Variants in LRP4 observed in about 807,000 individuals in gnomAD.
LRP4 encodes LDL receptor related protein 4.
In LRP4, 95 loss-of-function variants were observed where a neutral mutation model predicts 220.3. The observed-to-expected ratio is 0.43, with a 90% CI of 0.37 to 0.51. The LOEUF (loss-of-function observed/expected upper bound fraction) is 0.51, where lower values mean the gene tolerates loss of function less well. Among genes scored for constraint, LRP4 ranks in the 20% least tolerant of loss-of-function variants. The pLI is 0.00. For synonymous variants in LRP4, 903 were observed against 954.6 expected (o/e 0.95, Z 1.00); for missense variants, 1,925 against 2,567.0 (o/e 0.75, Z 5.40).
rs769832658 is a variant in LRP4, at chr11:46,876,499, C to G, written c.3503G>C (p.Ser1168Thr). The G allele has an allele frequency of 1.2e-6, 2 of 1,614,214 alleles. No homozygotes were observed. Among genetic ancestry groups the G allele is most frequent in the Non-Finnish European group, 1.7e-6 (2 of 1,180,040 alleles). ...ATGGTACAGTACGATGGCCCGGGGA[C>G]TGTCAAGGTTCTGCCACACCAACAC... ...RKVLVWQNLDSPRAIVLYHEM... is the reference protein window; with the variant it reads ...RKVLVWQNLDTPRAIVLYHEM... Residue 1168 changes from serine to threonine, a missense_variant, in exon 25 of 38, where the codon AGT (serine) becomes ACT (threonine). Physicochemically the swap from Ser to Thr is moderately conservative, Grantham distance 58. Around this residue, in one of 3 missense-constraint regions of LRP4, gnomAD observed 1,244 missense variants for 1,624.9 expected, o/e 0.77. Transcript: ENST00000378623.
chr11:46,918,313 G>A lies in LRP4; in HGVS notation c.52+15C>T. ...CCGGACCCAGGGACAAACTTTCCCG[G>A]CGGGCGCCGCTTACCGTGTGCGCAG... On this transcript the variant is annotated intron_variant, in intron 1 of 37. Transcript: ENST00000378623. The surrounding 1 kb of genome is among the most constrained non-coding windows in gnomAD (Gnocchi z 6.0). 1 of 1,509,946 alleles carries A rather than the reference G, an allele frequency of 6.6e-7. No homozygotes were observed. The highest frequency in any genetic ancestry group is 2.6e-5 in the East Asian group (1 of 38,180). 93.5% of individuals were successfully genotyped at this position (1,509,946 alleles called of 1,614,324 possible). A position where few individuals can be genotyped will look rare whatever the true frequency, so the allele number is the denominator to read the frequency against.
At position 46,902,944 on chromosome 11, in the gene LRP4, A is replaced by T; in HGVS notation, c.53-15T>A. 1.2e-6 allele frequency: 2 copies of T among 1,613,904 alleles called. No individual in the cohort carries two copies. Among genetic ancestry groups the T allele is most frequent in the Non-Finnish European group, 1.7e-6 (2 of 1,180,020 alleles). ...GCTGGCCAGGCCTGGGCGGAGGGAA[A>T]AGGAATCAGTGAGGGCTCAGCTCCC... is the stretch of plus-strand genomic sequence containing the variant. On this transcript the variant is annotated splice_polypyrimidine_tract_variant and intron_variant, in intron 1 of 37. Transcript: ENST00000378623.
At chr11:46,889,367 C>T in intron 16 of LRP4, 44 bp downstream of exon 16, 1 of 1,611,818 alleles carries the variant, frequency 6.2e-7, no homozygotes, top group Non-Finnish European at 8.5e-7. Flanking sequence ...TCTCCCCATC[C>T]TCACAACAGC....
intron 31 of LRP4, among the ~76,000 whole-genome samples, chr11:46,871,198 GC>G (rs1940850849): frequency 1.3e-5 from 2 of 152,290 alleles, no homozygotes; most frequent in Admixed American, 6.5e-5. Flanking sequence ...ATTTTACTGT[GC>G]CCAGCCCTCA....
chr11:46,865,892 G>A (rs958514828), intron 34 of LRP4, among the ~76,000 whole-genome samples: 1 of 152,216 alleles, frequency 6.6e-6, no homozygotes, highest in African/African-American at 2.4e-5. Flanking sequence ...TTAAAAGTTA[G>A]TGAGAAAGGC....
Position 46,859,273 on chromosome 11 carries a change from C to T in LRP4, c.5428G>A (p.Val1810Ile), listed in dbSNP as rs779299308. ...CCAGACAGGAGGCAGATTCCCTCTACGATCTTGATCTTCTCCTTGGTGTAG... is the reference window on the plus strand; with the variant it reads ...CCAGACAGGAGGCAGATTCCCTCTATGATCTTGATCTTCTCCTTGGTGTAG... ...HNYTKEKIKIVEGICLLSGDD... is the reference protein window; with the variant it reads ...HNYTKEKIKIIEGICLLSGDD... Residue 1810 changes from valine to isoleucine, a missense_variant, in exon 38 of 38, where the codon GTA becomes ATA. Val to Ile is a conservative substitution (Grantham distance 29). Around this residue, in one of 3 missense-constraint regions of LRP4, gnomAD observed 1,244 missense variants for 1,624.9 expected, o/e 0.77. Transcript: ENST00000378623. 1.8e-5 allele frequency: 29 copies of T among 1,614,002 alleles called. No homozygotes were observed. The highest frequency in any genetic ancestry group is 5.5e-5 in the South Asian group (5 of 91,086).
chr11:46,858,918 G>T lies in LRP4; in HGVS notation c.*65C>A. On this transcript the variant is annotated 3_prime_UTR_variant, in exon 38 of 38. Coordinates refer to ENST00000378623, the MANE Select transcript of LRP4 (RefSeq NM_002334.4). ...CAGAAGCGGGGCCTGCGGTGTAAGCGAGCACAAGGACTAGACGTCCATAAA... is the reference window on the plus strand; with the variant it reads ...CAGAAGCGGGGCCTGCGGTGTAAGCTAGCACAAGGACTAGACGTCCATAAA... The T allele has an allele frequency of 6.7e-7, 1 of 1,482,706 alleles. No individual in the cohort carries two copies. Among genetic ancestry groups the T allele is most frequent in the South Asian group, 1.1e-5 (1 of 88,066 alleles). The allele number at this position is 1,482,706 out of a possible 1,614,324, so 91.8% of individuals were successfully genotyped here.
At chr11:46,897,868 C>A (rs1348720344) in intron 7 of LRP4, among the ~76,000 whole-genome samples, 1 of 152,236 alleles carries the variant, frequency 6.6e-6, no homozygotes, top group Admixed American at 6.5e-5. Context: ...CATCATGGCC[C>A]GTTCTCAATG....
In LRP4 at chr11:46,902,923, G is replaced by C. The variant is rs542378473; in HGVS notation, c.59C>G (p.Ala20Gly). 2.2e-5 allele frequency: 35 copies of C among 1,614,062 alleles called. No individual in the cohort carries two copies. Among genetic ancestry groups the C allele is most frequent in the Non-Finnish European group, 3.0e-5 (35 of 1,180,038 alleles). The stretch of plus-strand genomic sequence containing the variant: ...ACCACAAGCACACTCGGGGCTGCTG[G>C]CCAGGCCTGGGCGGAGGGAAAAGGA... ...LGALLCAHGLASSPECACGRS... is the reference protein window; with the variant it reads ...LGALLCAHGLGSSPECACGRS... Residue 20 changes from alanine (A) to glycine (G), a missense_variant, in exon 2 of 38, where the codon GCC (alanine) becomes GGC (glycine). Transcript: ENST00000378623.
At chr11:46,867,041 T>C (rs1017531419) in intron 34 of LRP4, among the ~76,000 whole-genome samples, 2 of 152,236 alleles carry the variant, frequency 1.3e-5, no homozygotes, top group African/African-American at 4.8e-5. Context: ...TAAACAGGCA[T>C]GTGACTTACA....
intron 18 of LRP4, among the ~76,000 whole-genome samples, 176 bp downstream of exon 18, chr11:46,885,915 C>T (rs1001133859): frequency 1.3e-5 from 2 of 152,306 alleles, no homozygotes; most frequent in South Asian, 2.1e-4. Flanking sequence ...GAGCTTCTCA[C>T]GTGGGAGCTT....
chr11:46,888,962 A>G (rs1941360711), intron 16 of LRP4, among the ~76,000 whole-genome samples: 1 of 152,222 alleles, frequency 6.6e-6, no homozygotes, highest in Non-Finnish European at 1.5e-5. Flanking sequence ...CCACTTGTTT[A>G]ACACATATTT....
Position 46,890,722 on chromosome 11 carries a change from C to T in LRP4, c.1698-228G>A, listed in dbSNP as rs970926650. Among the ~76,000 whole-genome samples, 2 of 151,942 alleles carry T rather than the reference C, an allele frequency of 1.3e-5. No homozygotes were observed. Among genetic ancestry groups the T allele is most frequent in the Non-Finnish European group, 1.5e-5 (1 of 67,982 alleles). On this transcript the variant is annotated intron_variant, in intron 13 of 37. Coordinates refer to ENST00000378623, the MANE Select transcript of LRP4 (RefSeq NM_002334.4). This position sits in a 1 kb window ranked among gnomAD's most constrained non-coding sequence, Gnocchi z 5.3. Reference sequence around the variant, plus strand: ...TCTCCTGGGCTCAGAAGGCCTCCCACTTCAGCCTTCTGAGCAGCTAGTATC... The same window carrying T: ...TCTCCTGGGCTCAGAAGGCCTCCCATTTCAGCCTTCTGAGCAGCTAGTATC...
chr11:46,897,111 G>A, intron 7 of LRP4, 117 bp from the exon 8 acceptor site: 1 of 1,326,230 alleles, frequency 7.5e-7, no homozygotes, highest in Non-Finnish European at 1.1e-6. Context: ...CGGGATCACA[G>A]CTGGTCTATA....
At position 46,917,147 on chromosome 11, in the gene LRP4, C is replaced by G. The variant is rs138547569; in HGVS notation, c.52+1181G>C. Among the ~76,000 whole-genome samples, 7 of 152,314 alleles carry G rather than the reference C, an allele frequency of 4.6e-5. No individual in the cohort carries two copies. In the East Asian group the frequency reaches 1.2e-3, roughly 25 times the overall value. ...AACGAGTGCCTAGACATCTCCACGC[C>G]CTGCCAGGCAAGTTCGGAAATCTGC... On this transcript the variant is annotated intron_variant, in intron 1 of 37. Transcript: ENST00000378623.
rs1383766251 is a variant in LRP4 at position 46,899,542 on chromosome 11, C to T, written c.431-39G>A. 1 of 1,363,282 alleles carries T rather than the reference C, an allele frequency of 7.3e-7. No homozygotes were observed. Among genetic ancestry groups the T allele is most frequent in the Non-Finnish European group, 1.0e-6 (1 of 956,878 alleles). 84.4% of individuals were successfully genotyped at this position (1,363,282 alleles called of 1,614,324 possible). ...ATGGGACAGCAGTTCTGAGGGGGCC[C>T]CACAGGCAACCCTCTCACCCTCCTC... On this transcript the variant is annotated intron_variant, in intron 4 of 37. Coordinates refer to ENST00000378623, the MANE Select transcript of LRP4 (RefSeq NM_002334.4). The surrounding 1 kb of genome is among the most constrained non-coding windows in gnomAD (Gnocchi z 5.9).
intron 1 of LRP4, among the ~76,000 whole-genome samples, chr11:46,910,526 T>C (rs967875524): frequency 2.6e-5 from 4 of 152,202 alleles, no homozygotes; most frequent in African/African-American, 9.6e-5. Flanking sequence ...AGACCTGCTA[T>C]TTTAGGACTT....
chr11:46,896,634 C>T (rs1012258717), intron 8 of LRP4, among the ~76,000 whole-genome samples: 3 of 152,200 alleles, frequency 2.0e-5, no homozygotes, highest in Admixed American at 2.0e-4. Context: ...GGTAGTCCTT[C>T]CTCACTAGAC....
chr11:46,882,547 A>G (rs565048707), intron 19 of LRP4, among the ~76,000 whole-genome samples: 1 of 152,260 alleles, frequency 6.6e-6, no homozygotes, highest in African/African-American at 2.4e-5. Flanking sequence ...ACAGAACTCT[A>G]TAAAACCAGT....
Sources: allele counts gnomAD v4.1 joint callset (sites outside exome capture counted in the v4.1 genomes callset), GRCh38; gene constraint gnomAD v4.1.1; regional missense constraint gnomAD v4.1.1; non-coding constraint Gnocchi (gnomAD v3.1); transcripts MANE v1.5; gene names NCBI Gene and HGNC (gene_info 2026-07-23, HGNC 2026-07-21).